The following TINAG variants were observed in gnomAD, a reference collection of about 807,000 sequenced individuals.
TINAG encodes the protein tubulointerstitial nephritis antigen.
TINAG carries 83 observed loss-of-function variants against 72.7 expected under a neutral mutation model. The ratio of observed to expected loss-of-function variants is 1.14; its 90% CI spans 0.96 to 1.37. The LOEUF is 1.37. TINAG is among the 40% of genes most tolerant of loss of function. The pLI is 0.00. For missense variants in TINAG, 685 were observed against 576.6 expected, an observed-to-expected ratio of 1.19 and a Z score of -1.93; for synonymous variants, 234 against 189.9, an observed-to-expected ratio of 1.23 and a Z score of -1.91.
intron 8 of TINAG, 117 bp from the exon 9 acceptor site, chr6:54,354,396 C>A: frequency 1.1e-6 from 1 of 890,908 alleles, no homozygotes; most frequent in South Asian, 1.9e-5. Context: ...TCACACAGCC[C>A]CTTCTTAGAT....
intron 6 of TINAG, among the ~76,000 whole-genome samples, chr6:54,348,368 A>C (rs1785176328): frequency 6.6e-6 from 1 of 152,166 alleles, no homozygotes; most frequent in Non-Finnish European, 1.5e-5. Context: ...TATGATAAAA[A>C]ATAACAGCCC....
At chr6:54,356,118 C>T (rs539390410) in intron 9 of TINAG, among the ~76,000 whole-genome samples, 2 of 151,896 alleles carry the variant, frequency 1.3e-5, no homozygotes, top group South Asian at 2.1e-4. Flanking sequence ...CTTCCTATTA[C>T]CCTACTTTTT....
At chr6:54,379,270 T>C (rs1763873692) in intron 9 of TINAG, among the ~76,000 whole-genome samples, 1 of 152,164 alleles carries the variant, frequency 6.6e-6, no homozygotes, top group African/African-American at 2.4e-5. Context: ...TATAATGTAT[T>C]AAGAAGAATG....
In TINAG at chr6:54,371,996, T is replaced by G. The variant is rs1012511126; in HGVS notation, c.1251-8530T>G. Among the ~76,000 whole-genome samples the G allele has an allele frequency of 5.7e-3, 806 of 141,678 alleles. 14 individuals are homozygous for G. The highest frequency in any genetic ancestry group is 0.02 in the African/African-American group (767 of 38,702). The allele number at this position is 141,678 out of a possible 152,430, so 92.9% of individuals were successfully genotyped here. On this transcript the variant is annotated intron_variant, in intron 9 of 10. Transcript: ENST00000259782. ...TTCAAGTCATGTTTTTTTTTTTTTT[T>G]TTTTTTTTTTTTGAGATGGAGTTTT...
intron 4 of TINAG, among the ~76,000 whole-genome samples, chr6:54,337,921 G>A (rs1033213292): frequency 3.9e-5 from 6 of 152,196 alleles, no homozygotes; most frequent in South Asian, 2.1e-4. Flanking sequence ...CATCCATGTA[G>A]GGAAAAGCCG....
intron 9 of TINAG, among the ~76,000 whole-genome samples, chr6:54,378,911 A>G (rs1763864141): frequency 6.6e-6 from 1 of 152,042 alleles, no homozygotes; most frequent in Non-Finnish European, 1.5e-5. Flanking sequence ...AAAGGATCCA[A>G]ATACATTATA....
intron 10 of TINAG, among the ~76,000 whole-genome samples, chr6:54,386,539 C>T (rs886936454): frequency 6.6e-6 from 1 of 152,114 alleles, no homozygotes; most frequent in Admixed American, 6.6e-5. Context: ...AAGTTCCTTC[C>T]ATGTGGCTCC....
rs184115221 is a variant in TINAG at position 54,321,861 on chromosome 6, C to T, written c.509+475C>T. ...ATGGGTATCTAACCAATGTCACTTA[C>T]GGTTGAATCAAAAGACAGATTGAGC... On this transcript the variant is annotated intron_variant, in intron 3 of 10. Transcript: ENST00000259782. Among the ~76,000 whole-genome samples the T allele has an allele frequency of 7.4e-4, 112 of 152,200 alleles. 1 individual carries two copies. The East Asian group carries it at 0.015, about 20-fold the overall frequency.
chr6:54,313,028 A>C (rs987703763), intron 1 of TINAG, among the ~76,000 whole-genome samples: 2 of 152,164 alleles, frequency 1.3e-5, no homozygotes, highest in African/African-American at 4.8e-5. Flanking sequence ...TTACTATTGC[A>C]GGTATTTTGG....
chr6:54,347,413 G>C lies in TINAG; in HGVS notation c.795G>C (p.Thr265=), dbSNP rs771445541. ...CAATTCAGTCTAAGGGTCGATACAC[G>C]GCCAATCTATCCCCTCAGAATTTGA... The part of the protein sequence containing the change: ...RIAIQSKGRY[T]ANLSPQNLIS... The change falls in exon 6 of 11, where the codon ACG becomes ACC. Residue 265 remains threonine (T), a synonymous_variant. Coordinates refer to ENST00000259782, the MANE Select transcript of TINAG (RefSeq NM_014464.4). The C allele has an allele frequency of 1.2e-6, 2 of 1,613,110 alleles. No individual in the cohort carries two copies. Among genetic ancestry groups the C allele is most frequent in the African/African-American group, 1.3e-5 (1 of 74,916 alleles).
At chr6:54,345,499 A>G (rs1382254007) in intron 5 of TINAG, among the ~76,000 whole-genome samples, 5 of 152,096 alleles carry the variant, frequency 3.3e-5, no homozygotes, top group Non-Finnish European at 7.4e-5. Flanking sequence ...CAGGCTTCCA[A>G]CTTCTGGATT....
At chr6:54,338,616 C>T (rs532040104) in intron 4 of TINAG, among the ~76,000 whole-genome samples, 6 of 146,876 alleles carry the variant, frequency 4.1e-5, no homozygotes, top group African/African-American at 7.5e-5. Flanking sequence ...CCCAGCTACT[C>T]GGGAGGCTGA....
chr6:54,347,381 C>A lies in TINAG; in HGVS notation c.763C>A (p.Arg255=), dbSNP rs147972841. Residue 255 remains arginine, a synonymous_variant, in exon 6 of 11, where the codon CGA becomes AGA. Coordinates refer to ENST00000259782, the MANE Select transcript of TINAG (RefSeq NM_014464.4). ...AFSTASVAAD[R]IAIQSKGRYT... is the part of the protein sequence containing the mutation. The stretch of plus-strand genomic sequence containing the variant: ...ATTTGAAACAGGTGTGGCTGCTGAC[C>A]GAATAGCAATTCAGTCTAAGGGTCG... The A allele has an allele frequency of 1.2e-6, 2 of 1,611,976 alleles. No individual in the cohort carries two copies. The highest frequency in any genetic ancestry group is 2.7e-5 in the African/African-American group (2 of 74,768).
At chr6:54,318,260 A>T (rs1784416660) in intron 1 of TINAG, among the ~76,000 whole-genome samples, 1 of 152,156 alleles carries the variant, frequency 6.6e-6, no homozygotes, top group African/African-American at 2.4e-5. Flanking sequence ...TGTCTACTTG[A>T]TATCTCTGTT....
At chr6:54,312,569 T>C (rs1251858122) in intron 1 of TINAG, among the ~76,000 whole-genome samples, 2 of 152,120 alleles carry the variant, frequency 1.3e-5, no homozygotes, top group Non-Finnish European at 2.9e-5. Flanking sequence ...CAGGGAGATA[T>C]TTGTTATGCT....
At chr6:54,317,566 T>C (rs1179854172) in intron 1 of TINAG, among the ~76,000 whole-genome samples, 1 of 152,180 alleles carries the variant, frequency 6.6e-6, no homozygotes, top group Non-Finnish European at 1.5e-5. Context: ...CTCAGCCATG[T>C]GGAACTGTGA....
chr6:54,308,619 T>C lies in TINAG; in HGVS notation c.69T>C (p.Tyr23=), dbSNP rs1005016749. ...CAGAAATCTGGATGGAGAAGCAGTA[T>C]TTATCTCAAAGAGAAGTGGACCTAG... ...LTTEIWMEKQ[Y]LSQREVDLEA... The change falls in exon 1 of 11, where the codon TAT becomes TAC. Residue 23 remains tyrosine (Y), a synonymous_variant. Transcript: ENST00000259782. 6.2e-7 allele frequency: 1 copy of C among 1,613,754 alleles called. No individual in the cohort carries two copies. Among genetic ancestry groups the C allele is most frequent in the Non-Finnish European group, 8.5e-7 (1 of 1,179,794 alleles).
chr6:54,367,418 G>A (rs1763466720), intron 9 of TINAG, among the ~76,000 whole-genome samples: 1 of 151,740 alleles, frequency 6.6e-6, no homozygotes, highest in African/African-American at 2.4e-5. Context: ...ACATAAATTT[G>A]CCTGACCTTG....
intron 9 of TINAG, among the ~76,000 whole-genome samples, chr6:54,376,850 A>G (rs1316626135): frequency 6.6e-6 from 1 of 152,128 alleles, no homozygotes; most frequent in African/African-American, 2.4e-5. Context: ...TATAAAATAA[A>G]TCCTGAAGGA....
Sources: gnomAD v4.1 joint callset for allele counts (sites outside exome capture counted in the v4.1 genomes callset) on GRCh38, gnomAD v4.1.1 for gene constraint, MANE v1.5 for transcripts, NCBI Gene and HGNC (gene_info 2026-07-23, HGNC 2026-07-21) for gene names.